Variants in TTLL5 observed in about 807,000 individuals in gnomAD.
TTLL5 encodes tubulin polyglutamylase TTLL5.
A neutral mutation model predicts 168.4 loss-of-function variants in TTLL5; 132 were observed. The observed-to-expected ratio is 0.78, with a 90% CI of 0.68 to 0.91. The LOEUF (loss-of-function observed/expected upper bound fraction) is 0.91. Among genes scored for constraint, TTLL5 ranks in the 40% least tolerant of loss-of-function variants. The pLI is 0.00. For synonymous variants in TTLL5, 546 were observed against 558.6 expected (o/e 0.98, Z 0.32); for missense variants, 1,545 against 1,581.5 (o/e 0.98, Z 0.39).
intron 18 of TTLL5, among the ~76,000 whole-genome samples, chr14:75,761,783 C>T (rs544642750): frequency 1.3e-5 from 2 of 152,058 alleles, no homozygotes; most frequent in Non-Finnish European, 2.9e-5. Flanking sequence ...TTTGTCAGAA[C>T]GCATTAAGTG....
chr14:75,876,006 A>C (rs962644653), intron 29 of TTLL5, among the ~76,000 whole-genome samples: 3 of 152,242 alleles, frequency 2.0e-5, no homozygotes, highest in African/African-American at 7.2e-5. Flanking sequence ...TGGGCATTGA[A>C]GGAGATATGA....
At chr14:75,753,417 A>G (rs1594973384) in intron 18 of TTLL5, among the ~76,000 whole-genome samples, 2 of 152,334 alleles carry the variant, frequency 1.3e-5, no homozygotes, top group South Asian at 4.1e-4. Flanking sequence ...AATGGAAATG[A>G]TGGAAAACAG....
At chr14:75,882,344 A>AT (rs1460268068) in intron 29 of TTLL5, among the ~76,000 whole-genome samples, 1 of 152,214 alleles carries the variant, frequency 6.6e-6, no homozygotes, top group Non-Finnish European at 1.5e-5. Context: ...CGAAAGAGAC[A>AT]TTCATTAAAA....
chr14:75,911,427 A>G (rs1309109171), intron 31 of TTLL5, among the ~76,000 whole-genome samples: 1 of 152,204 alleles, frequency 6.6e-6, no homozygotes, highest in African/African-American at 2.4e-5. Flanking sequence ...CCATTATAAA[A>G]TGGGGAAAGA....
intron 29 of TTLL5, among the ~76,000 whole-genome samples, chr14:75,868,075 G>A (rs1366358910): frequency 6.6e-6 from 1 of 152,200 alleles, no homozygotes; most frequent in Non-Finnish European, 1.5e-5. Context: ...TCTAATTGCA[G>A]ACATTGAGCT....
chr14:75,863,309 GC>G (rs1041195579), intron 28 of TTLL5, among the ~76,000 whole-genome samples: 1 of 152,180 alleles, frequency 6.6e-6, no homozygotes, highest in African/African-American at 2.4e-5. Context: ...CCTTAAGTTA[GC>G]CCCCCATCCT....
Position 75,690,195 on chromosome 14 carries a change from T to A in TTLL5, c.375T>A (p.Ser125=). Reference sequence around the variant, plus strand: ...AAATACTTTTTTGATTTTTCAGGTCTTATGAACTTACCCGGAAGGACCGAC... The same window carrying A: ...AAATACTTTTTTGATTTTTCAGGTCATATGAACTTACCCGGAAGGACCGAC... ...EAQKVNHFPR[S]YELTRKDRLY... is the part of the protein sequence containing the mutation. Residue 125 remains serine (S), a synonymous_variant, in exon 6 of 32, where the codon TCT becomes TCA. Coordinates refer to ENST00000298832, the MANE Select transcript of TTLL5 (RefSeq NM_015072.5). 1 of 1,613,162 alleles carries A rather than the reference T, an allele frequency of 6.2e-7. No homozygotes were observed. The highest frequency in any genetic ancestry group is 1.7e-4 in the Middle Eastern group (1 of 6,054).
intron 20 of TTLL5, 106 bp downstream of exon 20, chr14:75,766,474 AC>A: frequency 1.9e-6 from 2 of 1,079,954 alleles, no homozygotes; most frequent in Non-Finnish European, 2.6e-6. Flanking sequence ...TTTAATATTT[AC>A]AGAAGTCCTA....
At chr14:75,797,149 A>T (rs372091030) in intron 27 of TTLL5, among the ~76,000 whole-genome samples, 1 of 151,986 alleles carries the variant, frequency 6.6e-6, no homozygotes, top group Admixed American at 6.6e-5. Flanking sequence ...TTGGTTAGGT[A>T]TATCCGTAAG....
intron 6 of TTLL5, among the ~76,000 whole-genome samples, chr14:75,694,018 C>G (rs1000430937): frequency 2.0e-5 from 3 of 152,330 alleles, no homozygotes; most frequent in African/African-American, 7.2e-5. Context: ...CAACTCAGAT[C>G]TTTCTACTCC....
chr14:75,751,764 C>T lies in TTLL5; in HGVS notation c.1488-1129C>T, dbSNP rs191044488. 1.6e-3 allele frequency among the ~76,000 whole-genome samples: 237 copies of T among 152,224 alleles called. 2 individuals are homozygous for T. Among genetic ancestry groups the T allele is most frequent in the Admixed American group, 1.4e-3 (21 of 15,300 alleles). ...GTGTTACTGGAAAGGGATCCCGATCCAGACCCCAAGAGAGGGTTCTTGGAT... is the reference window on the plus strand; with the variant it reads ...GTGTTACTGGAAAGGGATCCCGATCTAGACCCCAAGAGAGGGTTCTTGGAT... On this transcript the variant is annotated intron_variant, in intron 17 of 31. Transcript: ENST00000298832.
At position 75,863,709 on chromosome 14, in the gene TTLL5, AAAC is replaced by A. The variant is rs2030230012; in HGVS notation, c.3373_3375del (p.Asn1125del). 5 of 1,613,096 alleles carry A rather than the reference AAAC, an allele frequency of 3.1e-6. No homozygotes were observed. The East Asian group carries it at 8.9e-5, about 29-fold the overall frequency. Reference sequence around the variant, plus strand: ...GATTTGCCTGGGAAGGAGAAGTAGAAAACAACGTGTACAGCCAGGCTACAGGGG... The same window carrying A: ...GATTTGCCTGGGAAGGAGAAGTAGAAAACGTGTACAGCCAGGCTACAGGGG... On this transcript the variant is annotated inframe_deletion, in exon 29 of 32. Coordinates refer to ENST00000298832, the MANE Select transcript of TTLL5 (RefSeq NM_015072.5).
chr14:75,862,656 T>C (rs1230323765), intron 28 of TTLL5, among the ~76,000 whole-genome samples: 3 of 152,126 alleles, frequency 2.0e-5, no homozygotes, highest in East Asian at 3.9e-4. Flanking sequence ...ATCTAGAATT[T>C]GGAGCTGGGT....
intron 12 of TTLL5, among the ~76,000 whole-genome samples, chr14:75,730,060 T>C (rs767096229): frequency 6.6e-6 from 1 of 152,208 alleles, no homozygotes; most frequent in Non-Finnish European, 1.5e-5. Flanking sequence ...CACCCTGTTC[T>C]TCTTACTTTT....
At chr14:75,833,839 C>T (rs1895722530) in intron 28 of TTLL5, among the ~76,000 whole-genome samples, 2 of 152,166 alleles carry the variant, frequency 1.3e-5, no homozygotes. Context: ...GAATCCAGGG[C>T]TTCTAGTTCT....
intron 12 of TTLL5, among the ~76,000 whole-genome samples, chr14:75,725,956 C>T (rs529862541): frequency 2.6e-5 from 4 of 152,050 alleles, no homozygotes; most frequent in Non-Finnish European, 4.4e-5. Flanking sequence ...TAAAGACTTC[C>T]TCTTTAGCTT....
At chr14:75,792,206 C>CA (rs904961125) in intron 26 of TTLL5, among the ~76,000 whole-genome samples, 2 of 126,216 alleles carry the variant, frequency 1.6e-5, no homozygotes, top group Non-Finnish European at 3.1e-5. Flanking sequence ...AAAATATACA[C>CA]ACACTGGGGC....
rs561339323 is a variant in TTLL5, at chr14:75,883,696, C to T, written c.3740+794C>T. Among the ~76,000 whole-genome samples the T allele has an allele frequency of 2.2e-3, 329 of 152,338 alleles. 1 individual carries two copies. The highest frequency in any genetic ancestry group is 7.7e-3 in the African/African-American group (320 of 41,578). Reference sequence around the variant, plus strand: ...TCTGGATTTAGATAGAAAACAATCCCTTGTGGCTGTTTTAATTATATTGCT... The same window carrying T: ...TCTGGATTTAGATAGAAAACAATCCTTTGTGGCTGTTTTAATTATATTGCT... On this transcript the variant is annotated intron_variant, in intron 30 of 31. Transcript: ENST00000298832.
chr14:75,946,048 A>T (rs1205009215), intron 31 of TTLL5, among the ~76,000 whole-genome samples: 1 of 152,378 alleles, frequency 6.6e-6, no homozygotes, highest in Non-Finnish European at 1.5e-5. Flanking sequence ...CACGCAAAAG[A>T]GTTTGTCACT....
Sources: allele counts gnomAD v4.1 joint callset (sites outside exome capture counted in the v4.1 genomes callset), GRCh38; gene constraint gnomAD v4.1.1; transcripts MANE v1.5; gene names NCBI Gene and HGNC (gene_info 2026-07-23, HGNC 2026-07-21).